Variants in MECOM observed in about 807,000 individuals in gnomAD.
MECOM encodes histone-lysine N-methyltransferase MECOM.
Under a neutral mutation model 116.3 loss-of-function variants are expected in MECOM, and 13 were observed. That is an observed-to-expected ratio of 0.11 (90% confidence interval 0.07 to 0.18). MECOM has a LOEUF of 0.18. Among genes scored for constraint, MECOM ranks in the 10% least tolerant of loss-of-function variants. The pLI is 1.00. For synonymous variants in MECOM, 528 were observed against 535.2 expected (o/e 0.99, Z 0.19); for missense variants, 1,299 against 1,509.0 (o/e 0.86, Z 2.31).
chr3:169,511,793 T>A (rs560613854), intron 1 of MECOM, among the ~76,000 whole-genome samples: 63 of 151,568 alleles, frequency 4.2e-4, no homozygotes, highest in South Asian at 1.3e-3. Context: ...CAAAAAAAAA[T>A]TTTTTTTAAA....
At chr3:169,146,499 G>T (rs1163793780) in intron 2 of MECOM, 2 of 1,380,984 alleles carry the variant, frequency 1.4e-6, no homozygotes, top group Non-Finnish European at 1.9e-6. Context: ...GACCCACCCC[G>T]GAGACGTGTC....
At position 169,084,936 on chromosome 3, in the gene MECOM, A is replaced by T; in HGVS notation, c.3693T>A (p.Ser1231Arg). 6.2e-7 allele frequency: 1 copy of T among 1,614,080 alleles called. No individual in the cohort carries two copies. Among genetic ancestry groups the T allele is most frequent in the Non-Finnish European group, 8.5e-7 (1 of 1,179,990 alleles). The stretch of plus-strand genomic sequence containing the variant: ...ATACGTGGCTTATGGACTGGATAGC[A>T]CTGGATTCCGCCGCAGCCCTGGCCA... ...HSMARAAAES[S>R]AIQSISHV Residue 1231 changes from serine (S) to arginine (R), a missense_variant, in exon 17 of 17, where the codon AGT becomes AGA. Transcript: ENST00000651503.
At chr3:169,348,937 C>T (rs142018684) in intron 2 of MECOM, among the ~76,000 whole-genome samples, 105 of 151,852 alleles carry the variant, frequency 6.9e-4, no homozygotes, top group Non-Finnish European at 1.2e-3. Context: ...TGTTTTACTG[C>T]CTGCACAGTT....
At chr3:169,347,886 T>A (rs538671061) in intron 2 of MECOM, among the ~76,000 whole-genome samples, 4 of 152,094 alleles carry the variant, frequency 2.6e-5, no homozygotes, top group African/African-American at 9.6e-5. Flanking sequence ...TGCTACAGAA[T>A]ATGTGCAAAA....
At chr3:169,654,934 T>G (rs1252557867) in intron 1 of MECOM, among the ~76,000 whole-genome samples, 2 of 152,118 alleles carry the variant, frequency 1.3e-5, no homozygotes, top group Admixed American at 1.3e-4. Context: ...AATGAAACTT[T>G]GAAGCACCCT....
rs1050754569 is a variant in MECOM, at chr3:169,455,890, A to G, written c.38-74366T>C. On this transcript the variant is annotated intron_variant, in intron 1 of 16. Transcript: ENST00000651503. ...GGTTTGACGTGGCTGCTGTTTGTGA[A>G]TGTAGTTCTTATGTGTTTGCTGGTA... Among the ~76,000 whole-genome samples, 17 of 152,262 alleles carry G rather than the reference A, an allele frequency of 1.1e-4. No individual in the cohort carries two copies. In the East Asian group the frequency reaches 1.9e-3, roughly 17 times the overall value.
Position 169,147,145 on chromosome 3 carries a change from C to G in MECOM, c.376-3313G>C, listed in dbSNP as rs538298516. On this transcript the variant is annotated intron_variant, in intron 2 of 16. Coordinates refer to ENST00000651503, the MANE Select transcript of MECOM (RefSeq NM_004991.4). Reference sequence around the variant, plus strand: ...TCTCACTTTCTCTTGCTCTTATCAGCCCGATGTGTAATGAAAGTTATCTGA... The same window carrying G: ...TCTCACTTTCTCTTGCTCTTATCAGGCCGATGTGTAATGAAAGTTATCTGA... The G allele has an allele frequency of 9.1e-6, 9 of 985,656 alleles. No homozygotes were observed. In the South Asian group the frequency reaches 3.3e-4, roughly 36 times the overall value. 61.1% of individuals were successfully genotyped at this position (985,656 alleles called of 1,614,324 possible).
chr3:169,088,893 G>T, intron 16 of MECOM, 107 bp downstream of exon 16: 2 of 1,040,498 alleles, frequency 1.9e-6, no homozygotes, highest in Non-Finnish European at 2.6e-6. Context: ...ACCCCATTTG[G>T]ATTCTAAAAT....
chr3:169,509,326 T>G (rs1278890662), intron 1 of MECOM, among the ~76,000 whole-genome samples: 1 of 152,162 alleles, frequency 6.6e-6, no homozygotes, highest in African/African-American at 2.4e-5. Flanking sequence ...TTCAAAAAAT[T>G]TTTTGATCGT....
chr3:169,243,290 A>G (rs1050208171), intron 2 of MECOM, among the ~76,000 whole-genome samples: 3 of 152,154 alleles, frequency 2.0e-5, no homozygotes, highest in African/African-American at 7.2e-5. Flanking sequence ...CCAGTGTTCT[A>G]ATAGCTTTCT....
chr3:169,607,215 A>C (rs1768698457), intron 1 of MECOM, among the ~76,000 whole-genome samples: 1 of 152,232 alleles, frequency 6.6e-6, no homozygotes. Flanking sequence ...TAGAATTCAA[A>C]CTCAGGTTTT....
At chr3:169,606,958 C>A (rs1293325109) in intron 1 of MECOM, among the ~76,000 whole-genome samples, 1 of 152,200 alleles carries the variant, frequency 6.6e-6, no homozygotes, top group East Asian at 1.9e-4. Flanking sequence ...TAGCCATATG[C>A]CTCAGTATAG....
chr3:169,363,738 GT>G (rs1192235042), intron 2 of MECOM, among the ~76,000 whole-genome samples: 1 of 151,900 alleles, frequency 6.6e-6, no homozygotes, highest in Non-Finnish European at 1.5e-5. Flanking sequence ...GAAAGAGGAA[GT>G]TTTCCATATT....
At chr3:169,103,404 C>T (rs1013407207) in intron 10 of MECOM, among the ~76,000 whole-genome samples, 3 of 152,076 alleles carry the variant, frequency 2.0e-5, no homozygotes, top group Admixed American at 2.0e-4. Flanking sequence ...GAAAAACAAA[C>T]TTTCAGGCCA....
intron 1 of MECOM, among the ~76,000 whole-genome samples, chr3:169,476,672 T>C (rs1455026194): frequency 6.6e-6 from 1 of 152,020 alleles, no homozygotes; most frequent in Non-Finnish European, 1.5e-5. Flanking sequence ...AAGTAATCTT[T>C]TTTTTCTCCC....
intron 1 of MECOM, among the ~76,000 whole-genome samples, chr3:169,418,514 C>T (rs1311846181): frequency 5.3e-5 from 8 of 151,882 alleles, no homozygotes; most frequent in African/African-American, 9.7e-5. Flanking sequence ...AATACTAAAC[C>T]GAATCTAGCA....
At chr3:169,524,438 A>G (rs1044384825) in intron 1 of MECOM, among the ~76,000 whole-genome samples, 4 of 152,218 alleles carry the variant, frequency 2.6e-5, no homozygotes, top group Non-Finnish European at 4.4e-5. Flanking sequence ...GGGCTGCTTT[A>G]GCAAGTAGAA....
chr3:169,309,676 A>G lies in MECOM; in HGVS notation c.375+71511T>C, dbSNP rs530692472. ...GCCTCAACTCTTATCTTAAGCTCAT[A>G]TAACCACCCATATCACAGTTTGGGG... On this transcript the variant is annotated intron_variant, in intron 2 of 16. Coordinates refer to ENST00000651503, the MANE Select transcript of MECOM (RefSeq NM_004991.4). 8.5e-5 allele frequency among the ~76,000 whole-genome samples: 13 copies of G among 152,302 alleles called. 1 individual carries two copies. In the South Asian group the frequency reaches 2.7e-3, roughly 32 times the overall value.
At chr3:169,553,571 T>C (rs1761663520) in intron 1 of MECOM, among the ~76,000 whole-genome samples, 1 of 152,220 alleles carries the variant, frequency 6.6e-6, no homozygotes. Context: ...CCTGGGCTCA[T>C]AGGTAGATTA....
Sources: allele counts gnomAD v4.1 joint callset (sites outside exome capture counted in the v4.1 genomes callset), GRCh38; gene constraint gnomAD v4.1.1; transcripts MANE v1.5; gene names NCBI Gene and HGNC (gene_info 2026-07-23, HGNC 2026-07-21).